The following KCNIP4 variants were observed in gnomAD, a reference collection of about 807,000 sequenced individuals.
KCNIP4 encodes the protein Kv channel-interacting protein 4.
Under a neutral mutation model 34.0 loss-of-function variants are expected in KCNIP4, and 12 were observed. The ratio of observed to expected loss-of-function variants is 0.35; its 90% confidence interval spans 0.23 to 0.57. The LOEUF (loss-of-function observed/expected upper bound fraction) is 0.57, where lower values mean the gene tolerates loss of function less well. Ranked by LOEUF, KCNIP4 falls within the 20% of genes least tolerant of loss-of-function variation. The pLI is 0.83. For missense variants in KCNIP4, 238 were observed against 311.7 expected (o/e 0.76, Z 1.78); for synonymous variants, 124 against 102.2 (o/e 1.21, Z -1.29).
At chr4:21,567,068 A>G (rs974010388) in intron 1 of KCNIP4, among the ~76,000 whole-genome samples, 50 of 152,270 alleles carry the variant, frequency 3.3e-4, no homozygotes, top group African/African-American at 1.2e-3. Context: ...CAAATTAATA[A>G]ACTTCAATTA....
intron 1 of KCNIP4, among the ~76,000 whole-genome samples, chr4:21,301,775 T>C (rs1711738791): frequency 6.6e-6 from 1 of 152,170 alleles, no homozygotes. Context: ...CACAATCAGC[T>C]ATATCAATCT....
At chr4:21,378,448 TG>T (rs1721177599) in intron 1 of KCNIP4, among the ~76,000 whole-genome samples, 1 of 152,090 alleles carries the variant, frequency 6.6e-6, no homozygotes, top group Non-Finnish European at 1.5e-5. Flanking sequence ...TTTTAGAGGG[TG>T]GGATGAAGTA....
At chr4:21,615,909 T>C (rs1744561715) in intron 1 of KCNIP4, among the ~76,000 whole-genome samples, 1 of 152,234 alleles carries the variant, frequency 6.6e-6, no homozygotes, top group Admixed American at 6.5e-5. Context: ...GTCTCTTGCC[T>C]GAATTGTGAA....
chr4:21,557,876 C>T (rs1180028533), intron 1 of KCNIP4, among the ~76,000 whole-genome samples: 1 of 152,172 alleles, frequency 6.6e-6, no homozygotes, highest in African/African-American at 2.4e-5. Flanking sequence ...TGTGGGGATT[C>T]TTCTACCACA....
At chr4:20,732,155 G>T in intron 7 of KCNIP4, 87 bp from the exon 8 acceptor site, 1 of 879,992 alleles carries the variant, frequency 1.1e-6, no homozygotes, top group Admixed American at 2.3e-5. Flanking sequence ...CTGATAAAAA[G>T]AAAACCTAGC....
intron 1 of KCNIP4, among the ~76,000 whole-genome samples, chr4:21,247,759 T>TATATACAC (rs1366204923): frequency 2.5e-5 from 3 of 120,012 alleles, no homozygotes; most frequent in African/African-American, 3.6e-5. Flanking sequence ...TATATATATA[T>TATATACAC]ACACCCCACA....
chr4:20,862,848 C>A (rs924530381), intron 2 of KCNIP4, among the ~76,000 whole-genome samples: 3 of 152,112 alleles, frequency 2.0e-5, no homozygotes, highest in African/African-American at 4.8e-5. Flanking sequence ...GGCCATTATC[C>A]TTGGCAAATT....
intron 1 of KCNIP4, among the ~76,000 whole-genome samples, chr4:21,877,000 G>C (rs977656337): frequency 2.6e-5 from 4 of 151,778 alleles, no homozygotes; most frequent in Admixed American, 2.6e-4. Flanking sequence ...AAGGATTAAA[G>C]ATCAGCAAAA....
chr4:21,540,991 T>C (rs1396646665), intron 1 of KCNIP4, among the ~76,000 whole-genome samples: 3 of 151,650 alleles, frequency 2.0e-5, no homozygotes, highest in Non-Finnish European at 4.4e-5. Context: ...TCCAACATGG[T>C]GAAACATCAT....
chr4:20,864,157 T>C (rs996222985), intron 2 of KCNIP4, among the ~76,000 whole-genome samples: 21 of 150,334 alleles, frequency 1.4e-4, no homozygotes, highest in Admixed American at 8.0e-4. Flanking sequence ...CATGTATGCA[T>C]ACACATGTAT....
At chr4:21,628,689 G>A (rs973335852) in intron 1 of KCNIP4, among the ~76,000 whole-genome samples, 3 of 151,990 alleles carry the variant, frequency 2.0e-5, no homozygotes, top group African/African-American at 7.3e-5. Context: ...GTGATCCTAT[G>A]TTGTCTGTAC....
At chr4:21,120,264 T>A (rs1215827002) in intron 1 of KCNIP4, among the ~76,000 whole-genome samples, 1 of 152,172 alleles carries the variant, frequency 6.6e-6, no homozygotes, top group East Asian at 1.9e-4. Context: ...ATAGCAAATA[T>A]CACAGACTAG....
intron 1 of KCNIP4, among the ~76,000 whole-genome samples, chr4:21,368,239 C>CAT (rs570709194): frequency 1.4e-5 from 1 of 71,086 alleles, no homozygotes; most frequent in Admixed American, 1.3e-4. Flanking sequence ...GAAGCTGTTA[C>CAT]ACACACACAC....
At chr4:21,626,597 A>C (rs1266858318) in intron 1 of KCNIP4, among the ~76,000 whole-genome samples, 1 of 152,044 alleles carries the variant, frequency 6.6e-6, no homozygotes, top group African/African-American at 2.4e-5. Flanking sequence ...CAGCCCAAGC[A>C]GACTAAGATA....
intron 1 of KCNIP4, among the ~76,000 whole-genome samples, chr4:21,561,142 A>G (rs1739461596): frequency 6.6e-6 from 1 of 151,964 alleles, no homozygotes. Context: ...CTTTAATATT[A>G]CTTACATGTA....
chr4:21,513,981 A>G (rs1734550786), intron 1 of KCNIP4, among the ~76,000 whole-genome samples: 2 of 152,196 alleles, frequency 1.3e-5, no homozygotes, highest in African/African-American at 4.8e-5. Flanking sequence ...ATCAAACACT[A>G]GTCAGGTTTC....
intron 1 of KCNIP4, among the ~76,000 whole-genome samples, chr4:21,136,386 A>C (rs1751502596): frequency 6.6e-6 from 1 of 152,174 alleles, no homozygotes; most frequent in Admixed American, 6.5e-5. Flanking sequence ...ACACACGCAC[A>C]ATCTTGCCTT....
At chr4:21,444,123 G>T (rs1056566803) in intron 1 of KCNIP4, among the ~76,000 whole-genome samples, 2 of 152,072 alleles carry the variant, frequency 1.3e-5, no homozygotes, top group African/African-American at 2.4e-5. Context: ...TGAAATTGAG[G>T]CAATAATTAA....
intron 1 of KCNIP4, among the ~76,000 whole-genome samples, chr4:21,051,537 TG>T (rs1177270130): frequency 6.6e-6 from 1 of 152,128 alleles, no homozygotes; most frequent in Admixed American, 6.6e-5. Flanking sequence ...TCATAATGTG[TG>T]GGGGTATAGA....
Sources: gnomAD v4.1 joint callset for allele counts (sites outside exome capture counted in the v4.1 genomes callset) on GRCh38, gnomAD v4.1.1 for gene constraint, MANE v1.5 for transcripts, NCBI Gene and HGNC (gene_info 2026-07-23, HGNC 2026-07-21) for gene names.